DTX4: variants seen among roughly 807,000 people sequenced by gnomAD.
DTX4 encodes the protein E3 ubiquitin-protein ligase DTX4.
Under a neutral mutation model 57.6 loss-of-function variants are expected in DTX4, and 28 were observed. The ratio of observed to expected loss-of-function variants is 0.49; its 90% CI spans 0.36 to 0.67. DTX4 has a LOEUF of 0.67. Among genes scored for constraint, DTX4 ranks in the 30% least tolerant of loss-of-function variants. DTX4 has a pLI of 0.00. For missense variants in DTX4, 715 were observed against 836.8 expected (o/e 0.85, Z 1.80); for synonymous variants, 316 against 331.0 (o/e 0.95, Z 0.49).
intron 4 of DTX4, among the ~76,000 whole-genome samples, chr11:59,190,773 A>G (rs1862587770): frequency 6.6e-6 from 1 of 152,252 alleles, no homozygotes; most frequent in Non-Finnish European, 1.5e-5. Flanking sequence ...ACATCTATTT[A>G]ACGTGTAACA....
intron 2 of DTX4, among the ~76,000 whole-genome samples, chr11:59,187,397 G>A (rs1862541503): frequency 6.6e-6 from 1 of 152,194 alleles, no homozygotes; most frequent in African/African-American, 2.4e-5. Context: ...AGCAGTTGGA[G>A]CCACTGTTGG....
intron 2 of DTX4, among the ~76,000 whole-genome samples, chr11:59,187,776 G>A (rs1276925456): frequency 1.3e-5 from 2 of 152,216 alleles, no homozygotes; most frequent in Non-Finnish European, 2.9e-5. Context: ...TGGGAGGGCC[G>A]CGCCTTTCCC....
intron 2 of DTX4, among the ~76,000 whole-genome samples, chr11:59,184,700 G>T (rs1199536605): frequency 7.9e-5 from 12 of 152,304 alleles, no homozygotes; most frequent in East Asian, 1.9e-4. Context: ...CCCGCTCATA[G>T]AATTGGGGCT....
chr11:59,183,734 G>A (rs956849630), intron 2 of DTX4, among the ~76,000 whole-genome samples: 3 of 152,296 alleles, frequency 2.0e-5, no homozygotes, highest in East Asian at 1.9e-4. Flanking sequence ...GAAGAGTGCC[G>A]AGTTGGAAAT....
At chr11:59,203,827 C>T (rs1051716720) in intron 8 of DTX4, among the ~76,000 whole-genome samples, 2 of 152,180 alleles carry the variant, frequency 1.3e-5, no homozygotes, top group Non-Finnish European at 2.9e-5. Context: ...TTATATGTCC[C>T]AATGCCCAAC....
chr11:59,182,985 C>T (rs1862485606), intron 2 of DTX4, among the ~76,000 whole-genome samples: 1 of 152,210 alleles, frequency 6.6e-6, no homozygotes, highest in Non-Finnish European at 1.5e-5. Flanking sequence ...ATTAATTGAA[C>T]TCCCACTATA....
Position 59,192,197 on chromosome 11 carries a change from G to A in DTX4, c.1321G>A (p.Gly441Ser), listed in dbSNP as rs546051013. Reference sequence around the variant, plus strand: ...CCTGGTAGGGAAGCTGTCCAGATGCGGCCACGTCTACCACATCTACTGCTT... The same window carrying A: ...CCTGGTAGGGAAGCTGTCCAGATGCAGCCACGTCTACCACATCTACTGCTT... ...PDLVGKLSRC[G>S]HVYHIYCLVA... The change falls in exon 6 of 9, where the codon GGC (glycine) becomes AGC (serine). Residue 441 changes from glycine (G) to serine (S), a missense_variant. Coordinates refer to ENST00000227451, the MANE Select transcript of DTX4 (RefSeq NM_015177.2). 6.8e-6 allele frequency: 11 copies of A among 1,613,788 alleles called. No individual in the cohort carries two copies. Among genetic ancestry groups the A allele is most frequent in the Non-Finnish European group, 9.3e-6 (11 of 1,179,894 alleles).
chr11:59,206,508 C>CATATATATATATATATATATAT lies in DTX4; in HGVS notation c.*1599_*1600insATATATATATATATATATATAT, dbSNP rs1412393714. 545 of 75,522 alleles carry CATATATATATATATATATATAT rather than the reference C, an allele frequency of 7.2e-3. 5 individuals carry two copies. The highest frequency in any genetic ancestry group is 0.029 in the East Asian group (82 of 2,868). 4.7% of individuals were successfully genotyped at this position (75,522 alleles called of 1,614,324 possible). A position where few individuals can be genotyped will look rare whatever the true frequency, so the allele number is the denominator to read the frequency against. On this transcript the variant is annotated 3_prime_UTR_variant, in exon 9 of 9. Coordinates refer to ENST00000227451, the MANE Select transcript of DTX4 (RefSeq NM_015177.2). ...TATACCTCATGTTTTGGGGGTTTGA[C>CATATATATATATATATATATAT]GTATATATATATATATATATATGCA...
Position 59,192,258 on chromosome 11 carries a change from C to T in DTX4, c.1374+8C>T, listed in dbSNP as rs1392401458. On this transcript the variant is annotated splice_region_variant and intron_variant, in intron 6 of 8. Coordinates refer to ENST00000227451, the MANE Select transcript of DTX4 (RefSeq NM_015177.2). ...TACAACAATGGGAACAAGGTCAGTG[C>T]CAGCCTATGGGGCTCCTGCCACCCT... 9 of 1,613,722 alleles carry T rather than the reference C, an allele frequency of 5.6e-6. No homozygotes were observed. In the Admixed American group the frequency reaches 1.3e-4, roughly 24 times the overall value.
chr11:59,200,740 T>G (rs1862731058), intron 8 of DTX4, among the ~76,000 whole-genome samples: 1 of 152,220 alleles, frequency 6.6e-6, no homozygotes, highest in South Asian at 2.1e-4. Flanking sequence ...ATGTTTGTAT[T>G]TCTATGGATG....
intron 1 of DTX4, 89 bp from the exon 2 acceptor site, chr11:59,181,650 C>A: frequency 6.6e-7 from 1 of 1,507,832 alleles, no homozygotes. Flanking sequence ...TCATGTTTGC[C>A]ATTATGGCAA....
chr11:59,172,298 G>A lies in DTX4; in HGVS notation c.-298G>A, dbSNP rs1411201778. 6.6e-6 allele frequency among the ~76,000 whole-genome samples: 1 copy of A among 151,934 alleles called. No individual in the cohort carries two copies. The highest frequency in any genetic ancestry group is 1.5e-5 in the Non-Finnish European group (1 of 67,928). On this transcript the variant is annotated 5_prime_UTR_variant, in exon 1 of 9. Coordinates refer to ENST00000227451, the MANE Select transcript of DTX4 (RefSeq NM_015177.2). ...GCTTTTGCAAGGCGGGGGCCTGTTTGCAGAGAGCCGGGCATTTGCATGAAG... is the reference window on the plus strand; with the variant it reads ...GCTTTTGCAAGGCGGGGGCCTGTTTACAGAGAGCCGGGCATTTGCATGAAG...
chr11:59,189,069 AGGAGGAGAGTAG>A lies in DTX4; in HGVS notation c.998-91_998-80del. ...GAATTATGAGAACTTTCTGCTGGAA[AGGAGGAGAGTAG>A]GTTAATGGGGAAAGAGGAATTTGGG... On this transcript the variant is annotated intron_variant, in intron 3 of 8. Coordinates refer to ENST00000227451, the MANE Select transcript of DTX4 (RefSeq NM_015177.2). 2.1e-6 allele frequency: 3 copies of A among 1,453,678 alleles called. No homozygotes were observed. In the East Asian group the frequency reaches 7.1e-5, roughly 34 times the overall value. 90.0% of individuals were successfully genotyped at this position (1,453,678 alleles called of 1,614,324 possible).
In DTX4 at chr11:59,182,266, C is replaced by A. The variant is rs201955938; in HGVS notation, c.739C>A (p.Arg247=). Residue 247 remains arginine, a synonymous_variant, in exon 2 of 9, where the codon CGA becomes AGA. Coordinates refer to ENST00000227451, the MANE Select transcript of DTX4 (RefSeq NM_015177.2). The part of the protein sequence containing the change: ...AKPLDSTGTI[R]GPLKTAPSQV... ...GCCACTGGACAGCACAGGCACCATT[C>A]GAGGCCCACTGAAGACCGCCCCATC... 18 of 1,612,234 alleles carry A rather than the reference C, an allele frequency of 1.1e-5. No homozygotes were observed. Among genetic ancestry groups the A allele is most frequent in the African/African-American group, 2.7e-5 (2 of 75,054 alleles).
intron 2 of DTX4, 144 bp downstream of exon 2, chr11:59,182,606 C>A: frequency 8.4e-7 from 1 of 1,196,170 alleles, no homozygotes; most frequent in Non-Finnish European, 1.1e-6. Flanking sequence ...GGTGGTGCAC[C>A]TGGCTGCAGG....
At chr11:59,195,818 C>T (rs943258662) in intron 7 of DTX4, among the ~76,000 whole-genome samples, 1 of 152,194 alleles carries the variant, frequency 6.6e-6, no homozygotes, top group Admixed American at 6.5e-5. Context: ...TTGGCTACAA[C>T]AAATAATGCT....
At chr11:59,201,002 G>A (rs1184886376) in intron 8 of DTX4, among the ~76,000 whole-genome samples, 2 of 152,118 alleles carry the variant, frequency 1.3e-5, no homozygotes, top group South Asian at 4.1e-4. Context: ...TGCCATAGAC[G>A]GGGTGCCTTA....
chr11:59,190,301 G>A (rs1311072724), intron 4 of DTX4, among the ~76,000 whole-genome samples: 2 of 152,076 alleles, frequency 1.3e-5, no homozygotes, highest in Admixed American at 1.3e-4. Flanking sequence ...TGCATATCGG[G>A]CCCTTATCTG....
intron 7 of DTX4, among the ~76,000 whole-genome samples, chr11:59,196,396 T>G (rs950588097): frequency 5.3e-5 from 8 of 152,376 alleles, no homozygotes; most frequent in Admixed American, 1.3e-4. Context: ...GAATAATTCA[T>G]AGTTCTTCCT....
Sources: gnomAD v4.1 joint callset for allele counts (sites outside exome capture counted in the v4.1 genomes callset) on GRCh38, gnomAD v4.1.1 for gene constraint, MANE v1.5 for transcripts, NCBI Gene and HGNC (gene_info 2026-07-23, HGNC 2026-07-21) for gene names.